Variants in NBEA observed in about 807,000 individuals in gnomAD.
NBEA encodes lysosomal-trafficking regulator 2.
Under a neutral mutation model 343.4 loss-of-function variants are expected in NBEA, and 44 were observed. That is an observed-to-expected ratio of 0.13 (90% CI 0.10 to 0.16). NBEA has a LOEUF of 0.16. NBEA is among the 10% of genes least tolerant of loss of function. NBEA has a pLI of 1.00. For missense variants in NBEA, 2,555 were observed against 3,631.3 expected, an observed-to-expected ratio of 0.70 and a Z score of 7.62; for synonymous variants, 1,175 against 1,238.7, an observed-to-expected ratio of 0.95 and a Z score of 1.08.
chr13:35,115,504 G>T (rs1273068939), intron 13 of NBEA, among the ~76,000 whole-genome samples: 1 of 151,706 alleles, frequency 6.6e-6, no homozygotes, highest in Non-Finnish European at 1.5e-5. Context: ...CTTTACTTGG[G>T]TGCTTATTAT....
intron 10 of NBEA, among the ~76,000 whole-genome samples, chr13:35,086,967 G>A (rs1388711570): frequency 6.6e-6 from 1 of 151,580 alleles, no homozygotes; most frequent in Non-Finnish European, 1.5e-5. Context: ...GTATGTTCAC[G>A]TCCTTAGCCC....
chr13:35,559,742 C>T (rs12430642), intron 44 of NBEA, among the ~76,000 whole-genome samples: 8,872 of 151,788 alleles, frequency 0.058, 302 homozygotes, highest in South Asian at 0.092. Context: ...GGTGAAACCC[C>T]GTCTCTACTA....
chr13:35,292,315 C>T (rs1430987153), intron 35 of NBEA, among the ~76,000 whole-genome samples: 1 of 151,930 alleles, frequency 6.6e-6, no homozygotes, highest in Non-Finnish European at 1.5e-5. Context: ...TTTTTCTATA[C>T]TACTTAAATT....
In NBEA at chr13:35,247,429, T is replaced by G. The variant is rs547314374; in HGVS notation, c.5776+14810T>G. Among the ~76,000 whole-genome samples the G allele has an allele frequency of 7.9e-5, 12 of 152,292 alleles. No individual in the cohort carries two copies. In the East Asian group the frequency reaches 2.3e-3, roughly 29 times the overall value. ...TGAGACACATTAGGAATGGCTTCCC[T>G]GGGGACCCAGAGAACCCACAGGGCT... On this transcript the variant is annotated intron_variant, in intron 34 of 58. Transcript: ENST00000379939.
At chr13:35,452,590 G>C (rs1367483115) in intron 40 of NBEA, among the ~76,000 whole-genome samples, 1 of 152,108 alleles carries the variant, frequency 6.6e-6, no homozygotes, top group Non-Finnish European at 1.5e-5. Context: ...AACATGCTAA[G>C]AGCCAAGGTC....
chr13:35,158,609 T>C (rs1368415506), intron 21 of NBEA, among the ~76,000 whole-genome samples: 4 of 152,176 alleles, frequency 2.6e-5, no homozygotes, highest in Non-Finnish European at 5.9e-5. Context: ...GGTGCACATA[T>C]GAGCAATAGA....
At chr13:35,298,783 C>T (rs946429373) in intron 35 of NBEA, among the ~76,000 whole-genome samples, 1 of 151,884 alleles carries the variant, frequency 6.6e-6, no homozygotes, top group Admixed American at 6.6e-5. Context: ...AAATATATTT[C>T]AGTATTTCCT....
intron 17 of NBEA, among the ~76,000 whole-genome samples, chr13:35,139,029 T>C (rs1001532870): frequency 1.3e-5 from 2 of 151,372 alleles, no homozygotes; most frequent in Middle Eastern, 3.4e-3. Context: ...TGTTTTCATA[T>C]ATACTCTGAA....
At chr13:35,074,113 G>A (rs2064001277) in intron 10 of NBEA, among the ~76,000 whole-genome samples, 1 of 152,110 alleles carries the variant, frequency 6.6e-6, no homozygotes, top group African/African-American at 2.4e-5. Flanking sequence ...CTTGAATTTA[G>A]TATTTATTAC....
At chr13:35,066,389 T>C (rs2152571776) in intron 8 of NBEA, among the ~76,000 whole-genome samples, 1 of 152,292 alleles carries the variant, frequency 6.6e-6, no homozygotes, top group African/African-American at 2.4e-5. Context: ...GAAAGTTGAG[T>C]ATTGAAGTGC....
chr13:35,012,030 G>T (rs187932545), intron 1 of NBEA, among the ~76,000 whole-genome samples: 2 of 152,084 alleles, frequency 1.3e-5, no homozygotes, highest in African/African-American at 4.8e-5. Context: ...GTTTTCCTCC[G>T]TATTTAGTTC....
chr13:35,091,569 T>C (rs188082946), intron 10 of NBEA, among the ~76,000 whole-genome samples: 1 of 152,128 alleles, frequency 6.6e-6, no homozygotes, highest in East Asian at 1.9e-4. Flanking sequence ...ACATAAATTC[T>C]AGCACTAGTA....
chr13:35,354,784 A>G (rs1303673754), intron 38 of NBEA, among the ~76,000 whole-genome samples: 5 of 152,138 alleles, frequency 3.3e-5, no homozygotes, highest in Non-Finnish European at 5.9e-5. Flanking sequence ...ATCTAGTCCC[A>G]TGATTTAAAA....
chr13:35,010,569 C>T (rs1201656258), intron 1 of NBEA, among the ~76,000 whole-genome samples: 1 of 135,462 alleles, frequency 7.4e-6, no homozygotes, highest in Non-Finnish European at 1.6e-5. Flanking sequence ...CGATGGAGAC[C>T]CTGTCTCAAA....
intron 41 of NBEA, among the ~76,000 whole-genome samples, chr13:35,505,544 A>T (rs1316390233): frequency 1.3e-5 from 2 of 152,156 alleles, no homozygotes; most frequent in African/African-American, 4.8e-5. Flanking sequence ...CGGACTTTTT[A>T]ACTGTTATAT....
At chr13:34,955,942 G>A (rs1046039366) in intron 1 of NBEA, among the ~76,000 whole-genome samples, 1 of 152,086 alleles carries the variant, frequency 6.6e-6, no homozygotes, top group Non-Finnish European at 1.5e-5. Flanking sequence ...AAATACATGG[G>A]CATTCTCTGG....
intron 34 of NBEA, among the ~76,000 whole-genome samples, chr13:35,249,151 CAAAAAA>C (rs1179922550): frequency 1.0e-4 from 5 of 49,710 alleles, no homozygotes; most frequent in Admixed American, 4.2e-4. Flanking sequence ...CTCCATCTTA[CAAAAAA>C]AAAAAAAAAA....
intron 36 of NBEA, among the ~76,000 whole-genome samples, chr13:35,315,817 T>C (rs146302833): frequency 4.5e-4 from 69 of 152,240 alleles, no homozygotes; most frequent in Non-Finnish European, 8.8e-4. Flanking sequence ...AATTTGAATG[T>C]ATTCTTTAAT....
At chr13:35,210,962 T>C (rs772143962) in intron 32 of NBEA, 91 bp from the exon 33 acceptor site, 100 of 1,348,662 alleles carry the variant, frequency 7.4e-5, no homozygotes, top group Non-Finnish European at 9.5e-5. Context: ...ATCTGATGAG[T>C]AATTCTTTCA....
Sources: allele counts gnomAD v4.1 joint callset (sites outside exome capture counted in the v4.1 genomes callset), GRCh38; gene constraint gnomAD v4.1.1; transcripts MANE v1.5; gene names NCBI Gene and HGNC (gene_info 2026-07-23, HGNC 2026-07-21).